EVA1A: variants seen among roughly 807,000 people sequenced by gnomAD.
EVA1A encodes the protein eva-1 homolog A, regulator of programmed cell death, also known as protein eva-1 homolog A.
Under a neutral mutation model 9.8 loss-of-function variants are expected in EVA1A, and 7 were observed. The ratio of observed to expected loss-of-function variants is 0.71; its 90% CI spans 0.41 to 1.34. EVA1A has a LOEUF of 1.34. Among genes scored for constraint, EVA1A ranks in the 40% most tolerant of loss-of-function variants. The pLI, the probability that EVA1A is intolerant of heterozygous loss-of-function variation, is 0.01. For synonymous variants in EVA1A, 90 were observed against 85.6 expected, an observed-to-expected ratio of 1.05 and a Z score of -0.28; for missense variants, 206 against 205.9, an observed-to-expected ratio of 1.00 and a Z score of 0.00.
Position 75,521,455 on chromosome 2 carries a change from T to C in EVA1A, c.-69+910A>G, listed in dbSNP as rs528137082. Reference sequence around the variant, plus strand: ...ACCCAAATGTCCATCCACAGATGGATGAATAAATAAAATGTTGTCTACACA... The same window carrying C: ...ACCCAAATGTCCATCCACAGATGGACGAATAAATAAAATGTTGTCTACACA... On this transcript the variant is annotated intron_variant, in intron 2 of 3. Coordinates refer to ENST00000393913, the MANE Select transcript of EVA1A (RefSeq NM_001135032.2). Among the ~76,000 whole-genome samples the C allele has an allele frequency of 2.5e-3, 386 of 152,250 alleles. 3 individuals are homozygous for C. Among genetic ancestry groups the C allele is most frequent in the African/African-American group, 8.9e-3 (369 of 41,542 alleles).
rs78427852 is a variant in EVA1A, at chr2:75,509,070, C to T, written c.85+8986G>A. ...GTCTTGTGAATTCCTGTTTCCCTAG[C>T]TGTGATGCCTGTGCAAATCGAGGAA... On this transcript the variant is annotated intron_variant, in intron 3 of 3. Transcript: ENST00000393913. 2.0e-3 allele frequency among the ~76,000 whole-genome samples: 298 copies of T among 152,262 alleles called. 1 individual carries two copies. Among genetic ancestry groups the T allele is most frequent in the East Asian group, 0.011 (56 of 5,172 alleles).
intron 1 of EVA1A, among the ~76,000 whole-genome samples, chr2:75,552,789 G>A (rs942890364): frequency 6.6e-6 from 1 of 152,176 alleles, no homozygotes; most frequent in Non-Finnish European, 1.5e-5. Flanking sequence ...GTTACAGGGA[G>A]TGTGGCTGGG....
intron 1 of EVA1A, among the ~76,000 whole-genome samples, chr2:75,555,533 G>A (rs2103982309): frequency 6.6e-6 from 1 of 152,196 alleles, no homozygotes; most frequent in South Asian, 2.1e-4. Flanking sequence ...TCCCAGCTCA[G>A]CTTTGTTTTT....
intron 1 of EVA1A, among the ~76,000 whole-genome samples, chr2:75,552,938 A>C (rs1676574714): frequency 6.6e-6 from 1 of 152,204 alleles, no homozygotes; most frequent in Non-Finnish European, 1.5e-5. Flanking sequence ...TATTAGAACA[A>C]AACTTTGACC....
chr2:75,558,129 C>T (rs543879239), intron 1 of EVA1A, among the ~76,000 whole-genome samples: 1 of 152,316 alleles, frequency 6.6e-6, no homozygotes, highest in South Asian at 2.1e-4. Context: ...CCAGTAGTAA[C>T]TGTAAAGGAC....
intron 3 of EVA1A, among the ~76,000 whole-genome samples, chr2:75,505,085 GA>G (rs1295887595): frequency 2.0e-5 from 3 of 152,140 alleles, no homozygotes; most frequent in Admixed American, 1.3e-4. Flanking sequence ...CCCTGCAAGG[GA>G]AAGACCTACA....
At chr2:75,511,182 T>C (rs1674798931) in intron 3 of EVA1A, among the ~76,000 whole-genome samples, 1 of 152,228 alleles carries the variant, frequency 6.6e-6, no homozygotes, top group African/African-American at 2.4e-5. Flanking sequence ...GCTTCTCATA[T>C]ATCTTTTAGG....
At chr2:75,547,982 T>G (rs951428226) in intron 1 of EVA1A, among the ~76,000 whole-genome samples, 10 of 152,216 alleles carry the variant, frequency 6.6e-5, no homozygotes, top group Non-Finnish European at 1.3e-4. Context: ...AGACTGTAGG[T>G]CCACAAAGCT....
At chr2:75,566,644 C>A (rs1457352576) in intron 1 of EVA1A, among the ~76,000 whole-genome samples, 1 of 152,168 alleles carries the variant, frequency 6.6e-6, no homozygotes. Context: ...TCCTCACAGG[C>A]CCTAGTCAGA....
chr2:75,553,104 A>C (rs566540040), intron 1 of EVA1A, among the ~76,000 whole-genome samples: 1 of 152,172 alleles, frequency 6.6e-6, no homozygotes, highest in African/African-American at 2.4e-5. Flanking sequence ...TTCTTGAAGC[A>C]GCCCTGGTTT....
In EVA1A at chr2:75,492,337, A is replaced by T. The variant is rs978412064; in HGVS notation, c.*899T>A. The T allele has an allele frequency of 3.4e-5, 5 of 147,740 alleles. No homozygotes were observed. The highest frequency in any genetic ancestry group is 5.0e-5 in the African/African-American group (2 of 39,770). The allele number at this position is 147,740 out of a possible 1,614,324, so 9.2% of individuals were successfully genotyped here. A position where few individuals can be genotyped will look rare whatever the true frequency, so the allele number is the denominator to read the frequency against. ...ACCAAAAAGATTTTATGTAATGTTT[A>T]TTTTTTTAATTCCCATCCTAACTTT... On this transcript the variant is annotated 3_prime_UTR_variant, in exon 4 of 4. Coordinates refer to ENST00000393913, the MANE Select transcript of EVA1A (RefSeq NM_001135032.2).
intron 1 of EVA1A, among the ~76,000 whole-genome samples, chr2:75,557,923 A>C (rs1676776131): frequency 6.6e-6 from 1 of 152,274 alleles, no homozygotes; most frequent in South Asian, 2.1e-4. Context: ...AGCAAACCTT[A>C]TCTCACATTA....
At chr2:75,510,862 T>C (rs1018170702) in intron 3 of EVA1A, among the ~76,000 whole-genome samples, 3 of 152,122 alleles carry the variant, frequency 2.0e-5, no homozygotes, top group Admixed American at 6.5e-5. Flanking sequence ...ATATGAAAAA[T>C]GGGGACTGGC....
At chr2:75,544,627 A>G (rs965866152) in intron 1 of EVA1A, among the ~76,000 whole-genome samples, 2 of 152,248 alleles carry the variant, frequency 1.3e-5, no homozygotes, top group Admixed American at 6.5e-5. Flanking sequence ...TCTGAAAAAA[A>G]AATTAACAAC....
At chr2:75,516,678 C>T (rs531198691) in intron 3 of EVA1A, among the ~76,000 whole-genome samples, 12 of 152,182 alleles carry the variant, frequency 7.9e-5, no homozygotes, top group Non-Finnish European at 1.5e-4. Flanking sequence ...TGCTCTCATG[C>T]GAGACATATT....
chr2:75,565,420 G>A (rs1467833620), upstream of EVA1A, among the ~76,000 whole-genome samples: 1 of 152,172 alleles, frequency 6.6e-6, no homozygotes, highest in Non-Finnish European at 1.5e-5. Flanking sequence ...AGGAAAAGGA[G>A]AACATCAAAA....
chr2:75,535,243 C>T (rs1220908116), intron 1 of EVA1A, among the ~76,000 whole-genome samples: 1 of 136,650 alleles, frequency 7.3e-6, no homozygotes, highest in Non-Finnish European at 1.5e-5. Flanking sequence ...CTTATCCTTA[C>T]TGGAATGGCC....
At chr2:75,516,192 A>G (rs1454402651) in intron 3 of EVA1A, among the ~76,000 whole-genome samples, 1 of 152,222 alleles carries the variant, frequency 6.6e-6, no homozygotes, top group Non-Finnish European at 1.5e-5. Flanking sequence ...CAATCCATTT[A>G]TTTGATTTTC....
At chr2:75,545,379 AC>A (rs1676292500) in intron 1 of EVA1A, among the ~76,000 whole-genome samples, 1 of 152,184 alleles carries the variant, frequency 6.6e-6, no homozygotes, top group South Asian at 2.1e-4. Context: ...AAACTTTGGG[AC>A]TGGAGAAACA....
Sources: gnomAD v4.1 joint callset for allele counts (sites outside exome capture counted in the v4.1 genomes callset) on GRCh38, gnomAD v4.1.1 for gene constraint, MANE v1.5 for transcripts, NCBI Gene and HGNC (gene_info 2026-07-23, HGNC 2026-07-21) for gene names.